PDE4D: variants seen among roughly 807,000 people sequenced by gnomAD.
PDE4D encodes phosphodiesterase 4D, also known as 3',5'-cyclic-AMP phosphodiesterase 4D.
Under a neutral mutation model 87.4 loss-of-function variants are expected in PDE4D, and 24 were observed. That is an observed-to-expected ratio of 0.27 (90% CI 0.20 to 0.39). The LOEUF (loss-of-function observed/expected upper bound fraction) is 0.39. Among genes scored for constraint, PDE4D ranks in the 10% least tolerant of loss-of-function variants. The pLI, the probability that PDE4D is intolerant of heterozygous loss-of-function variation, is 1.00. For synonymous variants in PDE4D, 384 were observed against 383.2 expected (o/e 1.00, Z -0.02); for missense variants, 714 against 1,041.0 (o/e 0.69, Z 4.32).
intron 1 of PDE4D, among the ~76,000 whole-genome samples, chr5:60,216,941 T>C (rs574714443): frequency 1.3e-5 from 2 of 152,174 alleles, no homozygotes; most frequent in African/African-American, 4.8e-5. Context: ...TTTGATCTAA[T>C]AGACAGGTAT....
intron 1 of PDE4D, among the ~76,000 whole-genome samples, chr5:59,680,053 C>T (rs1748746144): frequency 1.3e-5 from 2 of 152,202 alleles, no homozygotes; most frequent in East Asian, 3.9e-4. Flanking sequence ...TTTACATAGG[C>T]ATTTTATCCA....
intron 1 of PDE4D, among the ~76,000 whole-genome samples, chr5:59,529,834 AAT>A (rs1813862501): frequency 6.6e-6 from 1 of 152,208 alleles, no homozygotes; most frequent in South Asian, 2.1e-4. Context: ...AGCTTTTCAA[AAT>A]ATGATAGATA....
chr5:59,159,462 G>C (rs1780723780), intron 5 of PDE4D, among the ~76,000 whole-genome samples: 1 of 152,096 alleles, frequency 6.6e-6, no homozygotes, highest in South Asian at 2.1e-4. Flanking sequence ...CAATTATATT[G>C]TGTCAAGTCC....
intron 3 of PDE4D, among the ~76,000 whole-genome samples, chr5:59,980,149 A>G (rs1761765368): frequency 6.6e-6 from 1 of 152,230 alleles, no homozygotes; most frequent in East Asian, 1.9e-4. Flanking sequence ...CAAATACTGT[A>G]AAACAGAATA....
At chr5:59,186,473 C>G (rs1428564469) in intron 3 of PDE4D, among the ~76,000 whole-genome samples, 1 of 152,172 alleles carries the variant, frequency 6.6e-6, no homozygotes, top group Non-Finnish European at 1.5e-5. Flanking sequence ...TACTTAATGC[C>G]TAGCATTGGT....
At chr5:60,338,604 CG>C (rs1349599453) in intron 1 of PDE4D, among the ~76,000 whole-genome samples, 8 of 152,112 alleles carry the variant, frequency 5.3e-5, no homozygotes, top group Non-Finnish European at 8.8e-5. Flanking sequence ...CCATGTGACT[CG>C]CCCGGAGGTC....
chr5:59,323,188 T>A (rs2153572460), intron 1 of PDE4D, among the ~76,000 whole-genome samples: 1 of 152,250 alleles, frequency 6.6e-6, no homozygotes, highest in Middle Eastern at 3.4e-3. Context: ...ATCTGTCTAA[T>A]CTTTTTATGC....
At chr5:59,752,139 G>A (rs1036549807) in intron 1 of PDE4D, among the ~76,000 whole-genome samples, 23 of 152,090 alleles carry the variant, frequency 1.5e-4, no homozygotes, top group Non-Finnish European at 3.1e-4. Flanking sequence ...TAATCCTTGA[G>A]AACAAAGACA....
intron 1 of PDE4D, among the ~76,000 whole-genome samples, chr5:59,353,110 C>T (rs1415377830): frequency 6.6e-6 from 1 of 152,130 alleles, no homozygotes; most frequent in Non-Finnish European, 1.5e-5. Flanking sequence ...TACATAGTAC[C>T]TACCCCAAAC....
At chr5:59,403,914 C>A (rs745944849) in intron 1 of PDE4D, among the ~76,000 whole-genome samples, 2 of 152,156 alleles carry the variant, frequency 1.3e-5, no homozygotes, top group African/African-American at 2.4e-5. Flanking sequence ...ATTTACATTC[C>A]CACCAAAAGT....
At chr5:59,290,471 A>G (rs921869976) in intron 1 of PDE4D, among the ~76,000 whole-genome samples, 1 of 152,074 alleles carries the variant, frequency 6.6e-6, no homozygotes, top group African/African-American at 2.4e-5. Context: ...CTATGAAACT[A>G]CTAAAAGAAA....
intron 1 of PDE4D, among the ~76,000 whole-genome samples, chr5:59,413,284 C>T (rs193268713): frequency 3.3e-5 from 5 of 151,734 alleles, no homozygotes; most frequent in African/African-American, 7.3e-5. Flanking sequence ...GGTGAAACCC[C>T]GTCTCTACTA....
chr5:60,290,773 T>C lies in PDE4D; in HGVS notation c.-89-105086A>G, dbSNP rs1281242007. ...GTGAGCTGTGATTGCACCACTGCAC[T>C]GCAGCCTAGGCAATCAGAGTGAGAC... On this transcript the variant is annotated intron_variant, in intron 1 of 16. Coordinates refer to the PDE4D transcript ENST00000502484. 4.6e-5 allele frequency among the ~76,000 whole-genome samples: 7 copies of C among 152,260 alleles called. No homozygotes were observed. In the South Asian group the frequency reaches 1.2e-3, roughly 27 times the overall value.
At chr5:59,285,493 T>G (rs1766750752) in intron 1 of PDE4D, among the ~76,000 whole-genome samples, 1 of 151,110 alleles carries the variant, frequency 6.6e-6, no homozygotes, top group African/African-American at 2.4e-5. Flanking sequence ...CAAAAAGGAG[T>G]TCCTACAATA....
rs141892731 is a variant in PDE4D, at chr5:59,090,069, G to A, written c.809-51098C>T. Among the ~76,000 whole-genome samples the A allele has an allele frequency of 2.6e-3, 390 of 152,182 alleles. 2 individuals carry two copies. The highest frequency in any genetic ancestry group is 8.8e-3 in the African/African-American group (364 of 41,530). On this transcript the variant is annotated intron_variant, in intron 5 of 14. Transcript: ENST00000340635. ...AGGGACTAATAGAAATGATTTTCTC[G>A]ATTAGTTTAAGAACATTAGCAATTA...
Position 60,449,071 on chromosome 5 carries a change from GCACACA to G in PDE4D, c.-90+38865_-90+38870del, listed in dbSNP as rs35440197. On this transcript the variant is annotated intron_variant, in intron 1 of 16. Transcript: ENST00000502484. ...TTCACCCACCCCCCCAACTGCCCGC[GCACACA>G]CACACACACACACACACACACACGA... 1.6e-3 allele frequency among the ~76,000 whole-genome samples: 148 copies of G among 95,142 alleles called. 1 individual carries two copies. The highest frequency in any genetic ancestry group is 4.1e-3 in the African/African-American group (111 of 27,326). 62.4% of individuals were successfully genotyped at this position (95,142 alleles called of 152,430 possible). A position where few individuals can be genotyped will look rare whatever the true frequency, so the allele number is the denominator to read the frequency against.
chr5:59,839,036 A>G (rs1297897336), intron 1 of PDE4D, among the ~76,000 whole-genome samples: 1 of 151,962 alleles, frequency 6.6e-6, no homozygotes, highest in Non-Finnish European at 1.5e-5. Flanking sequence ...ACTTGGTACC[A>G]TATTGGGGAG....
chr5:59,145,608 A>T (rs953984210), intron 5 of PDE4D, among the ~76,000 whole-genome samples: 4 of 152,214 alleles, frequency 2.6e-5, no homozygotes, highest in Non-Finnish European at 5.9e-5. Context: ...AGTAAGCAAG[A>T]AAAACACTAT....
intron 2 of PDE4D, among the ~76,000 whole-genome samples, chr5:60,057,711 G>A (rs1770931680): frequency 6.6e-6 from 1 of 151,904 alleles, no homozygotes; most frequent in African/African-American, 2.4e-5. Flanking sequence ...TATAATACTG[G>A]ATTCCTATCT....
Sources: allele counts gnomAD v4.1 joint callset (sites outside exome capture counted in the v4.1 genomes callset), GRCh38; gene constraint gnomAD v4.1.1; transcripts MANE v1.5; gene names NCBI Gene and HGNC (gene_info 2026-07-23, HGNC 2026-07-21).